Variants in DYNAP observed in about 807,000 individuals in gnomAD.
DYNAP encodes the protein dynactin associated protein, also known as dynactin-associated protein.
A neutral mutation model predicts 8.5 loss-of-function variants in DYNAP; 7 were observed. The observed-to-expected ratio is 0.82, with a 90% CI of 0.47 to 1.54. DYNAP has a LOEUF of 1.54. DYNAP is among the 40% of genes most tolerant of loss of function. DYNAP has a pLI of 0.01. For missense variants in DYNAP, 256 were observed against 224.3 expected (o/e 1.14, Z -0.90); for synonymous variants, 77 against 77.9 (o/e 0.99, Z 0.06).
chr18:54,594,973 G>T lies in DYNAP; in HGVS notation c.92G>T (p.Ser31Ile). The change falls in exon 2 of 3, where the codon AGT (serine) becomes ATT (isoleucine). Residue 31 changes from serine (S) to isoleucine (I), a missense_variant. Coordinates refer to ENST00000648945, the MANE Select transcript of DYNAP (RefSeq NM_173629.3). ...ITHPNDQEAH[S>I]SICWCLPSND... is the part of the protein sequence containing the mutation. ...CATCCAAATGACCAAGAGGCTCACAGTTCCATATGCTGGTGTCTACCTTCA... is the reference window on the plus strand; with the variant it reads ...CATCCAAATGACCAAGAGGCTCACATTTCCATATGCTGGTGTCTACCTTCA... The T allele has an allele frequency of 6.2e-7, 1 of 1,612,472 alleles. No individual in the cohort carries two copies. Among genetic ancestry groups the T allele is most frequent in the Non-Finnish European group, 8.5e-7 (1 of 1,179,046 alleles).
At position 54,592,972 on chromosome 18, in the gene DYNAP, G is replaced by A. The variant is rs190388936; in HGVS notation, c.57+1633G>A. ...TTCATCAGCCACAAGCAAATTGGAT[G>A]TAATGAAAACAACAGGATCAGCACC... On this transcript the variant is annotated intron_variant, in intron 1 of 2. Coordinates refer to ENST00000648945, the MANE Select transcript of DYNAP (RefSeq NM_173629.3). Among the ~76,000 whole-genome samples, 165 of 152,256 alleles carry A rather than the reference G, an allele frequency of 1.1e-3. 3 individuals are homozygous for A. The South Asian group carries it at 0.029, about 27-fold the overall frequency.
At chr18:54,596,109 G>T (rs1911277816) in intron 2 of DYNAP, among the ~76,000 whole-genome samples, 1 of 151,168 alleles carries the variant, frequency 6.6e-6, no homozygotes, top group Non-Finnish European at 1.5e-5. Flanking sequence ...TCTCATTCTT[G>T]TCACCTAGGC....
chr18:54,598,097 C>T lies in DYNAP; in HGVS notation c.507C>T (p.Ala169=), dbSNP rs200666940. 2 of 1,613,358 alleles carry T rather than the reference C, an allele frequency of 1.2e-6. No homozygotes were observed. The highest frequency in any genetic ancestry group is 1.3e-5 in the African/African-American group (1 of 74,964). Residue 169 remains alanine (A), a synonymous_variant, in exon 3 of 3, where the codon GCC becomes GCT. Coordinates refer to ENST00000648945, the MANE Select transcript of DYNAP (RefSeq NM_173629.3). ...CTACAACTTCAACAGCTACAGCTGC[C>T]ACCACTTCCACAGAACCTATAACTG... ...TESTTSTATA[A]TTSTEPITVA...
At chr18:54,582,837 C>G (rs1568238392), upstream of DYNAP, among the ~76,000 whole-genome samples, 2 of 152,166 alleles carry the variant, frequency 1.3e-5, no homozygotes, top group Admixed American at 1.3e-4. Context: ...GCTACCCTAG[C>G]TTTCATTATT....
intron 2 of DYNAP, among the ~76,000 whole-genome samples, chr18:54,596,780 T>C (rs10163963): frequency 0.075 from 11,459 of 152,106 alleles, 657 homozygotes; most frequent in African/African-American, 0.16. Context: ...CAAGCCTTTT[T>C]GCCACTTTCT....
upstream of DYNAP, among the ~76,000 whole-genome samples, chr18:54,585,756 T>C (rs562370302): frequency 6.6e-6 from 1 of 152,326 alleles, no homozygotes; most frequent in Non-Finnish European, 1.5e-5. Context: ...CCTGCCTTAG[T>C]TCCCATCATT....
At position 54,598,187 on chromosome 18, in the gene DYNAP, T is replaced by TGG; in HGVS notation, c.*42_*43insGG. 1 of 1,559,564 alleles carries TGG rather than the reference T, an allele frequency of 6.4e-7. No individual in the cohort carries two copies. Among genetic ancestry groups the TGG allele is most frequent in the Non-Finnish European group, 8.7e-7 (1 of 1,149,596 alleles). Reference sequence around the variant, plus strand: ...CATCACTTCAACTGAAACTTCAACCTCTACCACTTCAACTCAGTTTGCAAC... The same window carrying TGG: ...CATCACTTCAACTGAAACTTCAACCTGGCTACCACTTCAACTCAGTTTGCAAC... On this transcript the variant is annotated 3_prime_UTR_variant, in exon 3 of 3. Transcript: ENST00000648945.
the DYNAP span, among the ~76,000 whole-genome samples, chr18:54,578,158 GA>G: frequency 6.6e-6 from 1 of 152,120 alleles, no homozygotes; most frequent in African/African-American, 2.4e-5. Flanking sequence ...AAGGCAACTG[GA>G]AACTTCATCT....
upstream of DYNAP, among the ~76,000 whole-genome samples, chr18:54,585,013 T>C (rs930491102): frequency 2.0e-5 from 3 of 152,048 alleles, no homozygotes; most frequent in Admixed American, 1.3e-4. Context: ...ATAAACAGGC[T>C]AACATTTTGG....
intron 2 of DYNAP, 105 bp downstream of exon 2, chr18:54,595,208 T>A: frequency 7.8e-7 from 1 of 1,284,012 alleles, no homozygotes; most frequent in Non-Finnish European, 1.0e-6. Flanking sequence ...CTTAATTCAT[T>A]TATATTTGTA....
intron 1 of DYNAP, among the ~76,000 whole-genome samples, chr18:54,591,584 C>T (rs980853236): frequency 5.9e-5 from 9 of 152,000 alleles, no homozygotes; most frequent in African/African-American, 2.2e-4. Flanking sequence ...GTTTCTATGG[C>T]CATAGGATAT....
intron 2 of DYNAP, 27 bp from the exon 3 acceptor site, chr18:54,597,786 T>C: frequency 6.4e-7 from 1 of 1,566,700 alleles, no homozygotes; most frequent in Non-Finnish European, 8.6e-7. Context: ...TGTTTTTCAT[T>C]GCTGATATTT....
chr18:54,591,369 T>C, intron 1 of DYNAP, 30 bp downstream of exon 1: 1 of 1,585,568 alleles, frequency 6.3e-7, no homozygotes, highest in Non-Finnish European at 8.6e-7. Flanking sequence ...TTTGATAGTT[T>C]GCCTATATTA....
upstream of DYNAP, among the ~76,000 whole-genome samples, chr18:54,585,719 G>C (rs1021664378): frequency 1.3e-5 from 2 of 152,152 alleles, no homozygotes; most frequent in Non-Finnish European, 2.9e-5. Context: ...GCTCCTCTGA[G>C]CTGAATTCAT....
At chr18:54,587,836 A>C, upstream of DYNAP, 1 of 400,800 alleles carries the variant, frequency 2.5e-6, no homozygotes. Context: ...AAACAGCAAA[A>C]GTCACCCAAA....
chr18:54,582,850 T>C (rs1297878153), upstream of DYNAP, among the ~76,000 whole-genome samples: 4 of 152,236 alleles, frequency 2.6e-5, no homozygotes, highest in African/African-American at 9.6e-5. Flanking sequence ...TCATTATTCA[T>C]GTTTTCCAGA....
the DYNAP span, among the ~76,000 whole-genome samples, chr18:54,578,913 C>T: frequency 6.6e-6 from 1 of 152,136 alleles, no homozygotes; most frequent in African/African-American, 2.4e-5. Context: ...CATTCTCCTG[C>T]CTCAGCCTCC....
At chr18:54,579,964 A>G in the DYNAP span, among the ~76,000 whole-genome samples, 1 of 152,146 alleles carries the variant, frequency 6.6e-6, no homozygotes. Context: ...TTTTGATGTA[A>G]TGAGGTCAAT....
At chr18:54,576,869 A>C in the DYNAP span, among the ~76,000 whole-genome samples, 1 of 152,186 alleles carries the variant, frequency 6.6e-6, no homozygotes, top group Non-Finnish European at 1.5e-5. Context: ...CAAAAAGGAC[A>C]AAACTACTTT....
Sources: allele counts gnomAD v4.1 joint callset (sites outside exome capture counted in the v4.1 genomes callset), GRCh38; gene constraint gnomAD v4.1.1; transcripts MANE v1.5; gene names NCBI Gene and HGNC (gene_info 2026-07-23, HGNC 2026-07-21).